RAB3C: variants seen among roughly 807,000 people sequenced by gnomAD.
RAB3C encodes the protein ras-related protein Rab-3C.
RAB3C carries 17 observed loss-of-function variants against 26.4 expected under a neutral mutation model. The ratio of observed to expected loss-of-function variants is 0.64; its 90% CI spans 0.44 to 0.97. The LOEUF is 0.97. Ranked by LOEUF, RAB3C falls within the 50% of genes least tolerant of loss-of-function variation. RAB3C has a pLI of 0.00. For missense variants in RAB3C, 242 were observed against 281.9 expected, an observed-to-expected ratio of 0.86 and a Z score of 1.01; for synonymous variants, 91 against 95.9, an observed-to-expected ratio of 0.95 and a Z score of 0.30.
At chr5:58,850,477 G>C (rs1004913841) in intron 4 of RAB3C, among the ~76,000 whole-genome samples, 1 of 152,140 alleles carries the variant, frequency 6.6e-6, no homozygotes, top group African/African-American at 2.4e-5. Flanking sequence ...TAAATCTTAT[G>C]ACTCTTCAGT....
intron 3 of RAB3C, among the ~76,000 whole-genome samples, chr5:58,786,576 A>G (rs533468451): frequency 1.1e-4 from 16 of 152,134 alleles, no homozygotes; most frequent in African/African-American, 3.6e-4. Flanking sequence ...CTCTGTGTAT[A>G]TCTCTATGAA....
chr5:58,646,872 C>T (rs1747533375), intron 2 of RAB3C, among the ~76,000 whole-genome samples: 1 of 151,978 alleles, frequency 6.6e-6, no homozygotes, highest in Admixed American at 6.6e-5. Context: ...CTCAAGCTGC[C>T]CCTTGGCACC....
chr5:58,741,882 G>C (rs1741281805), intron 3 of RAB3C: 1 of 151,978 alleles, frequency 6.6e-6, no homozygotes, highest in Non-Finnish European at 1.5e-5. Context: ...GCAGGTGCCT[G>C]TAATCCCAGC....
intron 2 of RAB3C, among the ~76,000 whole-genome samples, chr5:58,698,103 C>G (rs1253410562): frequency 6.6e-6 from 1 of 152,052 alleles, no homozygotes; most frequent in Non-Finnish European, 1.5e-5. Context: ...TTCAGGAGCT[C>G]TTGTAAGTCA....
intron 2 of RAB3C, among the ~76,000 whole-genome samples, chr5:58,712,998 C>A (rs1749094375): frequency 6.6e-6 from 1 of 151,992 alleles, no homozygotes; most frequent in Non-Finnish European, 1.5e-5. Context: ...GGATCAAAAA[C>A]AAAAGAATAA....
intron 3 of RAB3C, among the ~76,000 whole-genome samples, chr5:58,808,061 T>TA (rs1227545145): frequency 6.6e-6 from 1 of 151,538 alleles, no homozygotes; most frequent in African/African-American, 2.4e-5. Context: ...CCATCTCTAC[T>TA]AAAAATACAA....
chr5:58,714,462 T>TA (rs1326746108), intron 2 of RAB3C, among the ~76,000 whole-genome samples: 2 of 152,198 alleles, frequency 1.3e-5, no homozygotes, highest in African/African-American at 2.4e-5. Context: ...ATGGGATTTC[T>TA]AAAAAAATGC....
Position 58,617,754 on chromosome 5 carries a change from T to C in RAB3C, c.136T>C (p.Phe46Leu), listed in dbSNP as rs771710116. ...CAATAGCAGTGTGGGGAAAACATCT[T>C]TTCTATTCCGTTATGCAGATGACTC... The part of the protein sequence containing the change: ...IGNSSVGKTS[F>L]LFRYADDSFT... The change falls in exon 2 of 5, where the codon TTT becomes CTT. Residue 46 changes from phenylalanine (F) to leucine (L), a missense_variant. Physicochemically the swap from Phe to Leu is conservative, Grantham distance 22. Coordinates refer to ENST00000282878, the MANE Select transcript of RAB3C (RefSeq NM_138453.4). 3 of 1,613,842 alleles carry C rather than the reference T, an allele frequency of 1.9e-6. No individual in the cohort carries two copies. Among genetic ancestry groups the C allele is most frequent in the East Asian group, 2.2e-5 (1 of 44,876 alleles).
intron 2 of RAB3C, among the ~76,000 whole-genome samples, chr5:58,657,269 G>C (rs1747800319): frequency 6.6e-6 from 1 of 152,002 alleles, no homozygotes; most frequent in African/African-American, 2.4e-5. Flanking sequence ...TTATCTAAAA[G>C]ACTACAAATA....
At chr5:58,607,756 A>G (rs762874659) in intron 1 of RAB3C, among the ~76,000 whole-genome samples, 1 of 152,244 alleles carries the variant, frequency 6.6e-6, no homozygotes, top group African/African-American at 2.4e-5. Context: ...GGGGGCCAAT[A>G]TTCAACATTC....
intron 2 of RAB3C, among the ~76,000 whole-genome samples, chr5:58,625,883 A>G (rs917669360): frequency 6.6e-6 from 1 of 151,786 alleles, no homozygotes; most frequent in African/African-American, 2.4e-5. Flanking sequence ...TTGGAATACC[A>G]TAGTTTTGGT....
chr5:58,633,344 A>G (rs1747223731), intron 2 of RAB3C, among the ~76,000 whole-genome samples: 1 of 152,156 alleles, frequency 6.6e-6, no homozygotes. Context: ...GATCTTATGG[A>G]AAGAGCCCAT....
intron 2 of RAB3C, among the ~76,000 whole-genome samples, chr5:58,628,993 C>T (rs1747126910): frequency 1.7e-5 from 2 of 119,246 alleles, no homozygotes; most frequent in African/African-American, 6.6e-5. Flanking sequence ...AAGTTCAATA[C>T]CAGCTTGGGC....
intron 3 of RAB3C, among the ~76,000 whole-genome samples, chr5:58,730,966 G>A (rs1012199046): frequency 6.6e-6 from 1 of 152,114 alleles, no homozygotes; most frequent in Non-Finnish European, 1.5e-5. Flanking sequence ...AAGAAAGCAT[G>A]TTCAGGGGAG....
intron 2 of RAB3C, among the ~76,000 whole-genome samples, chr5:58,627,452 A>C (rs1747078660): frequency 1.2e-5 from 1 of 81,630 alleles, no homozygotes; most frequent in Non-Finnish European, 2.3e-5. Flanking sequence ...GGCCTGGGCG[A>C]CAGAGCGAGA....
intron 2 of RAB3C, among the ~76,000 whole-genome samples, chr5:58,668,769 G>C (rs920076614): frequency 1.3e-5 from 2 of 151,910 alleles, no homozygotes; most frequent in Non-Finnish European, 2.9e-5. Context: ...AGAGTTAGGG[G>C]CTCCTACGTC....
At chr5:58,588,688 T>C (rs1746062996) in intron 1 of RAB3C, among the ~76,000 whole-genome samples, 1 of 151,538 alleles carries the variant, frequency 6.6e-6, no homozygotes, top group African/African-American at 2.4e-5. Flanking sequence ...TTGGTGAGGA[T>C]TTTTTTGAAT....
At chr5:58,729,277 A>T (rs1579883513) in intron 3 of RAB3C, among the ~76,000 whole-genome samples, 2 of 152,172 alleles carry the variant, frequency 1.3e-5, no homozygotes, top group East Asian at 3.9e-4. Flanking sequence ...TATATAACAT[A>T]AGATTTACTG....
At chr5:58,848,373 T>C (rs1006712104) in intron 4 of RAB3C, 1 of 152,216 alleles carries the variant, frequency 6.6e-6, no homozygotes, top group Non-Finnish European at 1.5e-5. Flanking sequence ...TGATTGTTAA[T>C]TAACATAGGA....
Sources: allele counts gnomAD v4.1 joint callset (sites outside exome capture counted in the v4.1 genomes callset), GRCh38; gene constraint gnomAD v4.1.1; transcripts MANE v1.5; gene names NCBI Gene and HGNC (gene_info 2026-07-23, HGNC 2026-07-21).